Variants in CAMK4 observed in about 807,000 individuals in gnomAD.
CAMK4 encodes the protein calcium/calmodulin dependent protein kinase IV, also known as calcium/calmodulin-dependent protein kinase type IV.
CAMK4 carries 22 observed loss-of-function variants against 44.9 expected under a neutral mutation model. That is an observed-to-expected ratio of 0.49 (90% CI 0.35 to 0.70). The LOEUF (loss-of-function observed/expected upper bound fraction) is 0.70, where lower values mean the gene tolerates loss of function less well. CAMK4 is among the 30% of genes least tolerant of loss of function. CAMK4 has a pLI of 0.01. For synonymous variants in CAMK4, 218 were observed against 215.4 expected (o/e 1.01, Z -0.11); for missense variants, 498 against 586.8 (o/e 0.85, Z 1.56).
At chr5:111,480,356 T>C (rs1755394655) in intron 9 of CAMK4, among the ~76,000 whole-genome samples, 1 of 151,116 alleles carries the variant, frequency 6.6e-6, no homozygotes, top group African/African-American at 2.4e-5. Flanking sequence ...ATGGTCGGCC[T>C]TCCCCTTCAG....
intron 1 of CAMK4, among the ~76,000 whole-genome samples, chr5:111,321,910 T>A (rs1302030269): frequency 6.6e-6 from 1 of 152,158 alleles, no homozygotes; most frequent in African/African-American, 2.4e-5. Context: ...CAATTTACTC[T>A]TAATAAATGC....
At chr5:111,287,429 C>G (rs2112617488) in intron 1 of CAMK4, among the ~76,000 whole-genome samples, 1 of 152,190 alleles carries the variant, frequency 6.6e-6, no homozygotes, top group South Asian at 2.1e-4. Context: ...AAATGCAACT[C>G]TCATAGTTTA....
chr5:111,373,285 G>T (rs1400000724), intron 2 of CAMK4, among the ~76,000 whole-genome samples: 3 of 152,014 alleles, frequency 2.0e-5, no homozygotes, highest in Non-Finnish European at 4.4e-5. Flanking sequence ...CTCTCATTGG[G>T]CTGGGAACTC....
chr5:111,224,044 G>T (rs1045181616), upstream of CAMK4: 1 of 161,916 alleles, frequency 6.2e-6, no homozygotes, highest in Non-Finnish European at 1.3e-5. The surrounding 1 kb of genome is among the most constrained non-coding windows in gnomAD (Gnocchi z 5.7). Context: ...GGTCCCCGCG[G>T]GAGGGCGCGT....
chr5:111,268,903 C>T (rs1232422636), intron 1 of CAMK4, among the ~76,000 whole-genome samples: 2 of 151,948 alleles, frequency 1.3e-5, no homozygotes, highest in Admixed American at 6.6e-5. Flanking sequence ...ATTATAGAAG[C>T]TAAATACATA....
At chr5:111,284,247 AT>A (rs920626685) in intron 1 of CAMK4, among the ~76,000 whole-genome samples, 73 of 152,068 alleles carry the variant, frequency 4.8e-4, no homozygotes, top group African/African-American at 1.4e-3. Flanking sequence ...TGGCTTTGAC[AT>A]TTTTTTTAAG....
intron 5 of CAMK4, among the ~76,000 whole-genome samples, chr5:111,406,939 A>G (rs1752455106): frequency 6.6e-6 from 1 of 152,238 alleles, no homozygotes; most frequent in Non-Finnish European, 1.5e-5. Flanking sequence ...AAGTTAATTC[A>G]GCAGCTATTC....
chr5:111,325,705 C>T (rs1010050400), intron 1 of CAMK4, among the ~76,000 whole-genome samples: 37 of 151,900 alleles, frequency 2.4e-4, no homozygotes, highest in African/African-American at 6.3e-4. Flanking sequence ...TCATATCCTT[C>T]GCCCACTTTT....
intron 1 of CAMK4, among the ~76,000 whole-genome samples, chr5:111,289,546 G>A (rs1280143791): frequency 6.6e-6 from 1 of 152,156 alleles, no homozygotes; most frequent in Non-Finnish European, 1.5e-5. Context: ...AGTCTTAATT[G>A]TTGCAAGTAA....
intron 1 of CAMK4, among the ~76,000 whole-genome samples, chr5:111,255,985 TAC>T (rs201669162): frequency 6.6e-6 from 1 of 152,162 alleles, no homozygotes; most frequent in Non-Finnish European, 1.5e-5. Context: ...TTAGAATGCA[TAC>T]ACACACACAT....
chr5:111,324,826 A>T (rs1439903554), intron 1 of CAMK4, among the ~76,000 whole-genome samples: 2 of 152,014 alleles, frequency 1.3e-5, no homozygotes, highest in Admixed American at 6.6e-5. Flanking sequence ...TTCAAACTTT[A>T]TAGTATGTAT....
rs763153246 is a variant in CAMK4, at chr5:111,374,883, GTTC to G, written c.281_283del (p.Leu94del). 6.2e-7 allele frequency: 1 copy of G among 1,611,982 alleles called. No homozygotes were observed. The highest frequency in any genetic ancestry group is 8.5e-7 in the Non-Finnish European group (1 of 1,178,444). On this transcript the variant is annotated inframe_deletion, in exon 3 of 11. Transcript: ENST00000282356. ...AAAAATCGTAAGAACTGAGATAGGA[GTTC>G]TTCTTCGCCTCTCACATCCAAACAT...
intron 1 of CAMK4, among the ~76,000 whole-genome samples, chr5:111,226,212 T>A (rs1377112921): frequency 6.6e-6 from 1 of 152,202 alleles, no homozygotes; most frequent in Non-Finnish European, 1.5e-5. Flanking sequence ...ACACGTTGTC[T>A]TTATGAATAA....
chr5:111,390,547 G>T (rs1481017828), intron 4 of CAMK4, among the ~76,000 whole-genome samples: 1 of 152,064 alleles, frequency 6.6e-6, no homozygotes, highest in Non-Finnish European at 1.5e-5. Flanking sequence ...TACCATCTAA[G>T]AAAAGTTTCT....
intron 2 of CAMK4, among the ~76,000 whole-genome samples, chr5:111,368,098 T>C (rs1750866248): frequency 6.6e-6 from 1 of 152,092 alleles, no homozygotes; most frequent in Admixed American, 6.6e-5. Flanking sequence ...TAGTAAAATA[T>C]ATATTTATTG....
At chr5:111,474,109 C>G (rs1174004506) in intron 8 of CAMK4, among the ~76,000 whole-genome samples, 1 of 152,054 alleles carries the variant, frequency 6.6e-6, no homozygotes, top group Non-Finnish European at 1.5e-5. Context: ...AATAAGATAT[C>G]GATGCTTTCA....
At chr5:111,469,172 AATATATATATATATATAT>A (rs1229770102) in intron 7 of CAMK4, among the ~76,000 whole-genome samples, 55 of 31,978 alleles carry the variant, frequency 1.7e-3, no homozygotes, top group Non-Finnish European at 2.5e-3. Flanking sequence ...AAAAAAAAAA[AATATATATATATATATAT>A]ATATATATAT....
In CAMK4 at chr5:111,332,150, T is replaced by C. The variant is rs570968475; in HGVS notation, c.162-11874T>C. Among the ~76,000 whole-genome samples, 8 of 151,704 alleles carry C rather than the reference T, an allele frequency of 5.3e-5. No homozygotes were observed. The South Asian group carries it at 1.7e-3, about 31-fold the overall frequency. The stretch of plus-strand genomic sequence containing the variant: ...AATGTGCAAGTTAGTTACGTATGTA[T>C]ACATGTGCCATGCTGGTGTGCTGCA... On this transcript the variant is annotated intron_variant, in intron 1 of 10. Coordinates refer to ENST00000282356, the MANE Select transcript of CAMK4 (RefSeq NM_001744.6).
intron 1 of CAMK4, among the ~76,000 whole-genome samples, chr5:111,296,903 T>C (rs1438846948): frequency 1.3e-5 from 2 of 152,206 alleles, no homozygotes; most frequent in Non-Finnish European, 2.9e-5. Context: ...TAGACACAAA[T>C]ATGGCATGAA....
Sources: gnomAD v4.1 joint callset for allele counts (sites outside exome capture counted in the v4.1 genomes callset) on GRCh38, gnomAD v4.1.1 for gene constraint, Gnocchi (gnomAD v3.1) non-coding constraint, MANE v1.5 for transcripts, NCBI Gene and HGNC (gene_info 2026-07-23, HGNC 2026-07-21) for gene names.